Variants in CHD1L observed in about 807,000 individuals in gnomAD.
CHD1L encodes the protein chromodomain helicase DNA binding protein 1 like.
In CHD1L, 118 loss-of-function variants were observed where a neutral mutation model predicts 115.9. The ratio of observed to expected loss-of-function variants is 1.02; its 90% confidence interval spans 0.88 to 1.19. The LOEUF (loss-of-function observed/expected upper bound fraction) is 1.19, where lower values mean the gene tolerates loss of function less well. Among genes scored for constraint, CHD1L ranks in the 50% most tolerant of loss-of-function variants. The pLI is 0.00. For synonymous variants in CHD1L, 411 were observed against 387.1 expected (o/e 1.06, Z -0.72); for missense variants, 1,179 against 1,065.3 (o/e 1.11, Z -1.49).
intron 10 of CHD1L, among the ~76,000 whole-genome samples, chr1:147,269,635 C>G (rs1331886068): frequency 1.4e-5 from 2 of 145,226 alleles, no homozygotes; most frequent in Non-Finnish European, 3.0e-5. Flanking sequence ...TGCCACTGCA[C>G]TCCAGCCTGG....
the CHD1L span, among the ~76,000 whole-genome samples, chr1:147,233,514 G>A: frequency 6.7e-6 from 1 of 149,328 alleles, no homozygotes; most frequent in African/African-American, 2.5e-5. Context: ...CCATCCGGGA[G>A]GTGAGGGGCG....
intron 7 of CHD1L, 125 bp from the exon 8 acceptor site, chr1:147,265,807 A>C: frequency 1.4e-6 from 1 of 736,354 alleles, no homozygotes; most frequent in Admixed American, 3.5e-5. Context: ...AAATGATCAT[A>C]CTGGCCTAGA....
the CHD1L span, among the ~76,000 whole-genome samples, chr1:147,200,592 C>CTT: frequency 8.8e-4 from 18 of 20,540 alleles, no homozygotes; most frequent in African/African-American, 2.6e-3. Context: ...AACCTATTCC[C>CTT]CTTTTTTTTT....
the CHD1L span, among the ~76,000 whole-genome samples, chr1:147,181,290 A>C: frequency 6.6e-6 from 1 of 152,116 alleles, no homozygotes; most frequent in Admixed American, 6.6e-5. Flanking sequence ...AGAGTGGCTC[A>C]CTTTTTTAAA....
chr1:147,218,468 C>G, the CHD1L span, among the ~76,000 whole-genome samples: 1 of 151,968 alleles, frequency 6.6e-6, no homozygotes, highest in Non-Finnish European at 1.5e-5. Flanking sequence ...GATCTCCTGA[C>G]CTCGTGATCC....
At chr1:147,276,301 C>T (rs185219867) in intron 14 of CHD1L, 44 bp downstream of exon 14, 20,718 of 1,592,954 alleles carry the variant, frequency 0.013, 284 homozygotes, top group Non-Finnish European at 0.014. Flanking sequence ...TATACCAATA[C>T]CCTTTGTGGA....
At chr1:147,186,804 C>G in the CHD1L span, 9 of 1,508,380 alleles carry the variant, frequency 6.0e-6, no homozygotes, top group Non-Finnish European at 6.2e-6. Context: ...AAGTAGATTT[C>G]TGGGCAATAT....
At chr1:147,294,261 T>A in intron 21 of CHD1L, 148 bp from the exon 22 acceptor site, 1 of 478,690 alleles carries the variant, frequency 2.1e-6, no homozygotes, top group Non-Finnish European at 3.6e-6. Flanking sequence ...TTAATTTTTC[T>A]TACTACAATT....
the CHD1L span, among the ~76,000 whole-genome samples, chr1:147,211,896 A>G: frequency 6.6e-6 from 1 of 152,326 alleles, no homozygotes; most frequent in South Asian, 2.1e-4. Context: ...TGTCTTTGGG[A>G]AGATAAAATT....
At chr1:147,275,238 A>G in intron 12 of CHD1L, 116 bp from the exon 13 acceptor site, 1 of 761,114 alleles carries the variant, frequency 1.3e-6, no homozygotes, top group Non-Finnish European at 2.3e-6. Context: ...TGAAGGATGA[A>G]GCCAATTGTT....
intron 1 of CHD1L, among the ~76,000 whole-genome samples, chr1:147,246,030 T>C (rs1017562247): frequency 1.3e-5 from 2 of 152,208 alleles, no homozygotes; most frequent in Non-Finnish European, 2.9e-5. Context: ...ACTTGCACTT[T>C]GATAGCTACA....
intron 19 of CHD1L, among the ~76,000 whole-genome samples, chr1:147,290,109 T>C (rs1553969061): frequency 6.6e-6 from 1 of 152,184 alleles, no homozygotes; most frequent in African/African-American, 2.4e-5. Flanking sequence ...GTTTTTGTTT[T>C]TGAGATGGAG....
At position 147,252,608 on chromosome 1, in the gene CHD1L, A is replaced by AT. The variant is rs782313238; in HGVS notation, c.128-9dup. On this transcript the variant is annotated splice_polypyrimidine_tract_variant and intron_variant, in intron 1 of 22. Coordinates refer to ENST00000369258, the MANE Select transcript of CHD1L (RefSeq NM_004284.6). Reference sequence around the variant, plus strand: ...AATGTCTGCTCTTCGGATTTGCTGTATTTTTTGTTTCTAGGGATTCACCTA... The same window carrying AT: ...AATGTCTGCTCTTCGGATTTGCTGTATTTTTTTGTTTCTAGGGATTCACCTA... 6.2e-7 allele frequency: 1 copy of AT among 1,605,196 alleles called. No homozygotes were observed. The highest frequency in any genetic ancestry group is 1.7e-5 in the Admixed American group (1 of 59,936).
chr1:147,224,456 G>A, the CHD1L span: 1 of 159,202 alleles, frequency 6.3e-6, no homozygotes, highest in Non-Finnish European at 1.4e-5. Context: ...TGTCAGTTTG[G>A]AGATCAATAA....
upstream of CHD1L, chr1:147,242,647 G>C: frequency 2.4e-6 from 3 of 1,255,722 alleles, no homozygotes; most frequent in Non-Finnish European, 3.0e-6. Context: ...CCGCGCGTTG[G>C]GAAGTTGGGA....
At chr1:147,203,657 T>A in the CHD1L span, 3 of 1,410,414 alleles carry the variant, frequency 2.1e-6, no homozygotes, top group Non-Finnish European at 3.0e-6. Context: ...TGTCTCTCCA[T>A]ATGATGTGAT....
At chr1:147,219,732 C>A in the CHD1L span, among the ~76,000 whole-genome samples, 1 of 149,596 alleles carries the variant, frequency 6.7e-6, no homozygotes, top group African/African-American at 2.5e-5. Flanking sequence ...GTAGAAAATC[C>A]CAAAGGATTA....
At chr1:147,265,870 A>AG (rs1178765709) in intron 7 of CHD1L, 62 bp from the exon 8 acceptor site, 16 of 1,468,156 alleles carry the variant, frequency 1.1e-5, no homozygotes, top group African/African-American at 1.4e-5. Flanking sequence ...TAAGTTCTCT[A>AG]GGGTTCATTG....
the CHD1L span, chr1:147,215,885 T>C: frequency 6.2e-7 from 1 of 1,613,158 alleles, no homozygotes; most frequent in Non-Finnish European, 8.5e-7. Context: ...ATCATCTCTT[T>C]AGAAGTATTG....
Sources: gnomAD v4.1 joint callset for allele counts (sites outside exome capture counted in the v4.1 genomes callset) on GRCh38, gnomAD v4.1.1 for gene constraint, MANE v1.5 for transcripts, NCBI Gene and HGNC (gene_info 2026-07-23, HGNC 2026-07-21) for gene names.